Variants in GPHN observed in about 807,000 individuals in gnomAD.
GPHN encodes the protein gephyrin.
Under a neutral mutation model 95.5 loss-of-function variants are expected in GPHN, and 17 were observed. That is an observed-to-expected ratio of 0.18 (90% confidence interval 0.12 to 0.27). The LOEUF (loss-of-function observed/expected upper bound fraction) is 0.27, where lower values mean the gene tolerates loss of function less well. Among genes scored for constraint, GPHN ranks in the 10% least tolerant of loss-of-function variants. The pLI is 1.00. For synonymous variants in GPHN, 320 were observed against 322.5 expected, an observed-to-expected ratio of 0.99 and a Z score of 0.08; for missense variants, 660 against 978.1, an observed-to-expected ratio of 0.67 and a Z score of 4.34.
intron 9 of GPHN, among the ~76,000 whole-genome samples, chr14:67,013,895 G>A (rs2073152525): frequency 6.6e-6 from 1 of 151,836 alleles, no homozygotes; most frequent in Admixed American, 6.6e-5. Context: ...AAACGAATGT[G>A]ACTTTCTTCC....
Position 66,552,187 on chromosome 14 carries a change from A to G in GPHN, c.64+43596A>G, listed in dbSNP as rs151211977. Among the ~76,000 whole-genome samples, 5 of 152,278 alleles carry G rather than the reference A, an allele frequency of 3.3e-5. No homozygotes were observed. In the East Asian group the frequency reaches 9.7e-4, roughly 29 times the overall value. ...TTTACTTTCCTGGTTTTTATTCTGT[A>G]TAATCACTATCATGAGCAAAATAAG... is the stretch of plus-strand genomic sequence containing the variant. On this transcript the variant is annotated intron_variant, in intron 1 of 22. Transcript: ENST00000478722.
chr14:67,664,760 G>A, the GPHN span, among the ~76,000 whole-genome samples: 1 of 152,052 alleles, frequency 6.6e-6, no homozygotes, highest in African/African-American at 2.4e-5. Context: ...CAGCCTTTCC[G>A]CTGCAAAAGA....
chr14:67,265,939 G>T, the GPHN span, among the ~76,000 whole-genome samples: 1 of 151,432 alleles, frequency 6.6e-6, no homozygotes, highest in South Asian at 2.1e-4. Context: ...GACTGTATCT[G>T]TCCATTAAAA....
chr14:67,018,563 C>T (rs1005390441), intron 9 of GPHN, among the ~76,000 whole-genome samples: 2 of 152,126 alleles, frequency 1.3e-5, no homozygotes, highest in African/African-American at 4.8e-5. Flanking sequence ...GCATGCCTAC[C>T]GTGCATATGG....
the GPHN span, among the ~76,000 whole-genome samples, chr14:67,430,535 G>A: frequency 1.3e-5 from 2 of 152,208 alleles, no homozygotes; most frequent in African/African-American, 2.4e-5. Flanking sequence ...AGAAGAAGCA[G>A]GAGTGCTTTC....
rs188378894 is a variant in GPHN, at chr14:66,615,027, C to T, written c.65-66080C>T. Reference sequence around the variant, plus strand: ...TATGGCTTCCAGCTTCATTCATGTCCCTGCAAAAGACATGATCTCATTCTT... The same window carrying T: ...TATGGCTTCCAGCTTCATTCATGTCTCTGCAAAAGACATGATCTCATTCTT... On this transcript the variant is annotated intron_variant, in intron 1 of 22. Transcript: ENST00000478722. Among the ~76,000 whole-genome samples, 9 of 152,246 alleles carry T rather than the reference C, an allele frequency of 5.9e-5. No homozygotes were observed. The East Asian group carries it at 1.7e-3, about 29-fold the overall frequency.
At chr14:67,043,924 G>A (rs542437426) in intron 10 of GPHN, among the ~76,000 whole-genome samples, 62 of 152,210 alleles carry the variant, frequency 4.1e-4, no homozygotes, top group African/African-American at 1.4e-3. Flanking sequence ...TTTATTCAGG[G>A]ATTCAACTTC....
chr14:67,428,714 A>AC, the GPHN span, among the ~76,000 whole-genome samples: 1 of 152,078 alleles, frequency 6.6e-6, no homozygotes, highest in Non-Finnish European at 1.5e-5. Flanking sequence ...CCAGACCCTC[A>AC]CCCTACTCAA....
chr14:66,656,325 CTGT>C (rs2065304196), intron 1 of GPHN, among the ~76,000 whole-genome samples: 9 of 151,908 alleles, frequency 5.9e-5, no homozygotes, highest in Admixed American at 5.9e-4. Flanking sequence ...ATTTGGTAGC[CTGT>C]TGTTCTTTTG....
At chr14:67,341,105 G>A in the GPHN span, among the ~76,000 whole-genome samples, 7 of 152,240 alleles carry the variant, frequency 4.6e-5, no homozygotes, top group African/African-American at 1.7e-4. Flanking sequence ...CCCGGTCTGG[G>A]AAGTGAGGAG....
At chr14:67,375,003 G>A in the GPHN span, among the ~76,000 whole-genome samples, 1 of 152,174 alleles carries the variant, frequency 6.6e-6, no homozygotes, top group Admixed American at 6.5e-5. Context: ...TAAAATGTCT[G>A]TGAATCCAGG....
At chr14:66,794,444 T>C (rs927165758) in intron 3 of GPHN, among the ~76,000 whole-genome samples, 1 of 152,198 alleles carries the variant, frequency 6.6e-6, no homozygotes, top group African/African-American at 2.4e-5. Flanking sequence ...TTAAACCTGT[T>C]TTCTCTATAA....
intron 2 of GPHN, among the ~76,000 whole-genome samples, chr14:66,681,609 G>A (rs1192619988): frequency 1.3e-5 from 2 of 152,012 alleles, no homozygotes; most frequent in South Asian, 2.1e-4. Flanking sequence ...ATTTGAATAT[G>A]TTAGATATAT....
At chr14:67,089,115 ATTTTTTTTTCTTTTTTTCTTTTTTTTT>A (rs761201344) in intron 12 of GPHN, 40 bp downstream of exon 12, 23 of 363,258 alleles carry the variant, frequency 6.3e-5, no homozygotes, top group African/African-American at 3.4e-4. Flanking sequence ...CAGGCACTGT[ATTTTTTTTTCTTTTTTTCTTTTTTTTT>A]TTTTTTTTTT....
At chr14:67,132,598 A>G (rs1357846969) in intron 17 of GPHN, among the ~76,000 whole-genome samples, 1 of 152,066 alleles carries the variant, frequency 6.6e-6, no homozygotes, top group Non-Finnish European at 1.5e-5. Flanking sequence ...TTTAATGACG[A>G]GAGGTTCTTT....
chr14:67,600,004 A>G, the GPHN span: 1 of 1,540,136 alleles, frequency 6.5e-7, no homozygotes, highest in Non-Finnish European at 8.8e-7. Flanking sequence ...GAGCGCGGGG[A>G]GGGGCCGACT....
chr14:66,786,531 A>G, intron 3 of GPHN, among the ~76,000 whole-genome samples: 1 of 152,238 alleles, frequency 6.6e-6, no homozygotes, highest in East Asian at 1.9e-4. Context: ...AATACGTTTC[A>G]TGAGTCTAGT....
intron 10 of GPHN, among the ~76,000 whole-genome samples, chr14:67,043,142 G>T (rs2074803941): frequency 1.3e-5 from 2 of 152,130 alleles, no homozygotes; most frequent in African/African-American, 4.8e-5. Flanking sequence ...TGAGACAGTG[G>T]GGTTTTCTAA....
At chr14:67,561,886 A>AT in the GPHN span, 23 of 1,108,246 alleles carry the variant, frequency 2.1e-5, no homozygotes, top group African/African-American at 4.8e-5. Flanking sequence ...AAAAAAAAAA[A>AT]GAATTGAAAA....
Sources: allele counts gnomAD v4.1 joint callset (sites outside exome capture counted in the v4.1 genomes callset), GRCh38; gene constraint gnomAD v4.1.1; transcripts MANE v1.5; gene names NCBI Gene and HGNC (gene_info 2026-07-23, HGNC 2026-07-21).